The following CADPS2 variants were observed in gnomAD, a reference collection of about 807,000 sequenced individuals.
The protein encoded by CADPS2 is calcium-dependent secretion activator 2.
CADPS2 carries 93 observed loss-of-function variants against 172.5 expected under a neutral mutation model. The ratio of observed to expected loss-of-function variants is 0.54; its 90% confidence interval spans 0.46 to 0.64. CADPS2 has a LOEUF of 0.64. CADPS2 is among the 30% of genes least tolerant of loss of function. CADPS2 has a pLI of 0.00. For missense variants in CADPS2, 1,420 were observed against 1,565.9 expected, an observed-to-expected ratio of 0.91 and a Z score of 1.57; for synonymous variants, 546 against 555.2, an observed-to-expected ratio of 0.98 and a Z score of 0.23.
chr7:122,863,641 G>T (rs1817534755), intron 1 of CADPS2, among the ~76,000 whole-genome samples: 1 of 152,198 alleles, frequency 6.6e-6, no homozygotes, highest in African/African-American at 2.4e-5. Context: ...GAATGAAATG[G>T]TAATCAACAT....
At chr7:122,857,729 G>A (rs2097912) in intron 1 of CADPS2, among the ~76,000 whole-genome samples, 31,513 of 152,110 alleles carry the variant, frequency 0.21, 3,489 homozygotes, top group Middle Eastern at 0.28. Context: ...TTAACTGTGT[G>A]TGTTAATGAG....
chr7:122,491,443 A>T, intron 9 of CADPS2, 23 bp from the exon 10 acceptor site: 1 of 1,388,134 alleles, frequency 7.2e-7, no homozygotes, highest in Non-Finnish European at 1.0e-6. Context: ...AAAAAAGTTT[A>T]CAGATTAGTC....
Position 122,727,125 on chromosome 7 carries a change from G to T in CADPS2, c.453+9830C>A, listed in dbSNP as rs575158099. 3.9e-5 allele frequency among the ~76,000 whole-genome samples: 6 copies of T among 152,082 alleles called. No homozygotes were observed. In the South Asian group the frequency reaches 1.2e-3, roughly 32 times the overall value. On this transcript the variant is annotated intron_variant, in intron 2 of 29. Coordinates refer to ENST00000449022, the MANE Select transcript of CADPS2 (RefSeq NM_017954.11). ...TTTAAAGAACCAAGGGTATCAGAGA[G>T]CCTGATAAACAAATGTGCCCTTCAA... is the stretch of plus-strand genomic sequence containing the variant.
In CADPS2 at chr7:122,616,684, T is replaced by C. The variant is rs538232782; in HGVS notation, c.1105-1385A>G. Reference sequence around the variant, plus strand: ...ACTAAGAAAATTAATGGAGAATTGATAGAGAAAAGCAGTATCTTTCACAGC... The same window carrying C: ...ACTAAGAAAATTAATGGAGAATTGACAGAGAAAAGCAGTATCTTTCACAGC... On this transcript the variant is annotated intron_variant, in intron 5 of 29. Transcript: ENST00000449022. 4.6e-5 allele frequency among the ~76,000 whole-genome samples: 7 copies of C among 152,206 alleles called. 1 individual carries two copies. The highest frequency in any genetic ancestry group is 1.2e-4 in the African/African-American group (5 of 41,558).
chr7:122,615,189 T>C lies in CADPS2; in HGVS notation c.1215A>G (p.Ser405=). The change falls in exon 6 of 30, where the codon TCA becomes TCG. Residue 405 remains serine, a synonymous_variant. Coordinates refer to ENST00000449022, the MANE Select transcript of CADPS2 (RefSeq NM_017954.11). ...EKLQTDQAEA[S]RPQWGTQGDF... ...TTTTTCAACTGGCTTACTGTGGCCT[T>C]GAGGCTTCGGCCTGGTCTGTCTGAA... 1.3e-6 allele frequency: 2 copies of C among 1,534,920 alleles called. No homozygotes were observed. The highest frequency in any genetic ancestry group is 1.4e-5 in the African/African-American group (1 of 72,942).
intron 2 of CADPS2, among the ~76,000 whole-genome samples, chr7:122,714,385 A>G (rs950726006): frequency 2.0e-5 from 3 of 152,060 alleles, no homozygotes; most frequent in East Asian, 3.9e-4. Flanking sequence ...AGCTGTCTTT[A>G]GTATTTAGCT....
chr7:122,734,751 A>G (rs909174381), intron 2 of CADPS2, among the ~76,000 whole-genome samples: 1 of 152,130 alleles, frequency 6.6e-6, no homozygotes, highest in Non-Finnish European at 1.5e-5. Flanking sequence ...AGTTTGTTGC[A>G]TACCAAGTGT....
intron 14 of CADPS2, among the ~76,000 whole-genome samples, chr7:122,457,355 A>C (rs1402946542): frequency 6.6e-6 from 1 of 152,218 alleles, no homozygotes; most frequent in Non-Finnish European, 1.5e-5. Flanking sequence ...AGTATAATAA[A>C]AAATTTCAGG....
intron 1 of CADPS2, among the ~76,000 whole-genome samples, chr7:122,870,057 C>T (rs1819353164): frequency 1.3e-5 from 2 of 151,774 alleles, no homozygotes; most frequent in African/African-American, 2.4e-5. Context: ...TACATATTAA[C>T]CAGAAAATAA....
intron 20 of CADPS2, among the ~76,000 whole-genome samples, chr7:122,395,908 T>TA (rs746061637): frequency 2.0e-5 from 3 of 151,790 alleles, no homozygotes; most frequent in Admixed American, 6.6e-5. Flanking sequence ...CTCCTGGGTT[T>TA]AAGCGATTCT....
intron 15 of CADPS2, among the ~76,000 whole-genome samples, chr7:122,451,113 T>C (rs1205094931): frequency 6.6e-6 from 1 of 151,948 alleles, no homozygotes; most frequent in Non-Finnish European, 1.5e-5. Flanking sequence ...TATGCAAGAA[T>C]GAGAAATGCA....
At chr7:122,558,372 T>C (rs1204116473) in intron 7 of CADPS2, among the ~76,000 whole-genome samples, 2 of 152,202 alleles carry the variant, frequency 1.3e-5, no homozygotes, top group Admixed American at 1.3e-4. Context: ...TCTGTACAAA[T>C]AACTTTTAAT....
intron 2 of CADPS2, chr7:122,702,426 C>T (rs1340069261): frequency 1.9e-6 from 3 of 1,613,792 alleles, no homozygotes; most frequent in Admixed American, 1.7e-5. Context: ...AAAGTACAGC[C>T]TCCACGTTCG....
At chr7:122,865,409 A>T (rs2141369683) in intron 1 of CADPS2, among the ~76,000 whole-genome samples, 1 of 152,328 alleles carries the variant, frequency 6.6e-6, no homozygotes, top group African/African-American at 2.4e-5. Context: ...AATGGAAGAG[A>T]TGCTGTGACA....
At chr7:122,785,923 G>A (rs1444712912) in intron 1 of CADPS2, among the ~76,000 whole-genome samples, 4 of 152,176 alleles carry the variant, frequency 2.6e-5, no homozygotes, top group African/African-American at 9.7e-5. Flanking sequence ...TAGGTCCTCT[G>A]GCTCAGAAGA....
chr7:122,621,571 T>C lies in CADPS2; in HGVS notation c.1014A>G (p.Lys338=), dbSNP rs61997179. 8.4e-4 allele frequency: 1,358 copies of C among 1,613,844 alleles called. 6 individuals are homozygous for C. The African/African-American group carries it at 0.016, about 19-fold the overall frequency. Residue 338 remains lysine (K), a synonymous_variant, in exon 5 of 30, where the codon AAA becomes AAG. Coordinates refer to ENST00000449022, the MANE Select transcript of CADPS2 (RefSeq NM_017954.11). ...CCAAAAATGCAGAGTTCTGTGAACG[T>C]TTTAATTTTTGTAATTTAAATTCCG... is the stretch of plus-strand genomic sequence containing the variant. The part of the protein sequence containing the change: ...GGPEFKLQKL[K]RSQNSAFLDI...
chr7:122,713,007 A>G (rs13237142), intron 2 of CADPS2, among the ~76,000 whole-genome samples: 7,033 of 152,054 alleles, frequency 0.046, 221 homozygotes, highest in Non-Finnish European at 0.05. Flanking sequence ...CGGCACACAC[A>G]AAAATAAATC....
rs776323822 is a variant in CADPS2, at chr7:122,698,785, G to A, written c.454-35216C>T. On this transcript the variant is annotated intron_variant, in intron 2 of 29. Coordinates refer to ENST00000449022, the MANE Select transcript of CADPS2 (RefSeq NM_017954.11). Reference sequence around the variant, plus strand: ...CAACACATGATTCCCAACATGAAATGATATGTTCATATAAGCCATCCAAAC... The same window carrying A: ...CAACACATGATTCCCAACATGAAATAATATGTTCATATAAGCCATCCAAAC... The A allele has an allele frequency of 2.0e-5, 33 of 1,613,780 alleles. No homozygotes were observed. Among genetic ancestry groups the A allele is most frequent in the Non-Finnish European group, 2.7e-5 (32 of 1,179,846 alleles).
At chr7:122,817,327 A>G (rs2140286028) in intron 1 of CADPS2, among the ~76,000 whole-genome samples, 1 of 152,264 alleles carries the variant, frequency 6.6e-6, no homozygotes. Flanking sequence ...TAAATCAGGT[A>G]AGCGGCCTCT....
Sources: gnomAD v4.1 joint callset for allele counts (sites outside exome capture counted in the v4.1 genomes callset) on GRCh38, gnomAD v4.1.1 for gene constraint, MANE v1.5 for transcripts, NCBI Gene and HGNC (gene_info 2026-07-23, HGNC 2026-07-21) for gene names.